CELA2B: variants seen among roughly 807,000 people sequenced by gnomAD.
CELA2B encodes chymotrypsin-like elastase family member 2B.
Under a neutral mutation model 36.5 loss-of-function variants are expected in CELA2B, and 27 were observed. That is an observed-to-expected ratio of 0.74 (90% CI 0.55 to 1.02). The LOEUF (loss-of-function observed/expected upper bound fraction) is 1.02. Among genes scored for constraint, CELA2B ranks in the 50% least tolerant of loss-of-function variants. The probability of loss-of-function intolerance (pLI) is 0.00; values close to 1 mark genes in which losing one functional copy is unlikely to be tolerated. For synonymous variants in CELA2B, 143 were observed against 148.5 expected (o/e 0.96, Z 0.27); for missense variants, 340 against 347.8 (o/e 0.98, Z 0.18).
intron 7 of CELA2B, among the ~76,000 whole-genome samples, chr1:15,488,967 C>G (rs1011575619): frequency 3.0e-4 from 45 of 152,198 alleles, no homozygotes; most frequent in Non-Finnish European, 6.2e-4. Context: ...ATCAAAAAGA[C>G]AGTAGCCATT....
intron 7 of CELA2B, among the ~76,000 whole-genome samples, chr1:15,490,322 T>C (rs527548228): frequency 2.0e-5 from 3 of 152,174 alleles, no homozygotes; most frequent in Admixed American, 2.0e-4. Flanking sequence ...GTCTTCATAC[T>C]GTTCTGCAGC....
chr1:15,477,230 T>C (rs560848209), intron 2 of CELA2B, among the ~76,000 whole-genome samples: 2 of 152,352 alleles, frequency 1.3e-5, no homozygotes, highest in African/African-American at 4.8e-5. Context: ...TTCATGCAGA[T>C]TCATCTTTAA....
chr1:15,487,397 T>A lies in CELA2B; in HGVS notation c.752T>A (p.Ile251Asn), dbSNP rs1256301758. 2 of 1,614,178 alleles carry A rather than the reference T, an allele frequency of 1.2e-6. No individual in the cohort carries two copies. Among genetic ancestry groups the A allele is most frequent in the South Asian group, 1.1e-5 (1 of 91,082 alleles). ...LGCNYYYKPS[I>N]FTRVSNYNDW... ...TGCAACTACTACTACAAGCCCTCCATCTTCACGCGGGTCTCCAACTACAAC... is the reference window on the plus strand; with the variant it reads ...TGCAACTACTACTACAAGCCCTCCAACTTCACGCGGGTCTCCAACTACAAC... The change falls in exon 7 of 8, where the codon ATC becomes AAC. Residue 251 changes from isoleucine (I) to asparagine (N), a missense_variant. By Grantham distance (149) the Ile-to-Asn change is moderately radical. Coordinates refer to ENST00000375910, the MANE Select transcript of CELA2B (RefSeq NM_015849.3).
At chr1:15,485,312 T>A (rs1434793341) in intron 5 of CELA2B, among the ~76,000 whole-genome samples, 1 of 152,172 alleles carries the variant, frequency 6.6e-6, no homozygotes, top group African/African-American at 2.4e-5. Context: ...TTGGGGGCCA[T>A]TATGAAAGCC....
At chr1:15,488,342 G>A (rs190702453) in intron 7 of CELA2B, among the ~76,000 whole-genome samples, 3 of 152,032 alleles carry the variant, frequency 2.0e-5, no homozygotes, top group Admixed American at 1.3e-4. Flanking sequence ...AGCCAAGGTC[G>A]CACCACTGCA....
intron 7 of CELA2B, among the ~76,000 whole-genome samples, chr1:15,489,367 CCT>C (rs1333725564): frequency 1.3e-5 from 2 of 152,202 alleles, no homozygotes; most frequent in Non-Finnish European, 2.9e-5. Flanking sequence ...GGGCAGAGGC[CCT>C]GTGTTCATGG....
At position 15,484,120 on chromosome 1, in the gene CELA2B, A is replaced by G. The variant is rs74924154; in HGVS notation, c.493+720A>G. 2.7e-3 allele frequency among the ~76,000 whole-genome samples: 407 copies of G among 152,270 alleles called. 5 individuals are homozygous for G. The East Asian group carries it at 0.039, about 15-fold the overall frequency. On this transcript the variant is annotated intron_variant, in intron 5 of 7. Coordinates refer to ENST00000375910, the MANE Select transcript of CELA2B (RefSeq NM_015849.3). The stretch of plus-strand genomic sequence containing the variant: ...GTGGCCCAAGGCTAGAGTTCAGAAC[A>G]GCATTTCCTCTGTGACCTGAGGTCT...
At chr1:15,487,513 C>T (rs902398129) in intron 7 of CELA2B, 76 bp downstream of exon 7, 198 of 1,552,812 alleles carry the variant, frequency 1.3e-4, no homozygotes, top group Middle Eastern at 1.8e-4. Flanking sequence ...GCCCACCTGG[C>T]GACTGAGAAC....
chr1:15,479,874 T>A (rs1314875242), intron 2 of CELA2B, among the ~76,000 whole-genome samples: 2 of 151,772 alleles, frequency 1.3e-5, no homozygotes, highest in Non-Finnish European at 2.9e-5. Flanking sequence ...GCGGGTTTGG[T>A]GTATGTGCAG....
intron 7 of CELA2B, among the ~76,000 whole-genome samples, chr1:15,489,500 T>C (rs1187868016): frequency 6.6e-6 from 1 of 152,044 alleles, no homozygotes. Context: ...AGTGAAACCT[T>C]GAAGTGGCCC....
chr1:15,486,445 C>A (rs919558765), intron 6 of CELA2B, among the ~76,000 whole-genome samples: 32 of 152,152 alleles, frequency 2.1e-4, no homozygotes, highest in Non-Finnish European at 4.3e-4. Context: ...TGCCACTGCA[C>A]TCCAGCCTGG....
chr1:15,486,098 TGGGAAGAGGCTATGGAAA>T, intron 6 of CELA2B, 52 bp downstream of exon 6: 2 of 1,596,098 alleles, frequency 1.3e-6, no homozygotes, highest in Non-Finnish European at 1.7e-6. Flanking sequence ...TGGCTGGGGA[TGGGAAGAGGCTATGGAAA>T]ACCATCCCTC....
chr1:15,484,920 CAG>C (rs1708785941), intron 5 of CELA2B, among the ~76,000 whole-genome samples: 2 of 149,508 alleles, frequency 1.3e-5, no homozygotes, highest in Admixed American at 6.6e-5. Flanking sequence ...TTTTTTGAGA[CAG>C]AGTCTTGCTC....
chr1:15,477,493 GT>G, intron 2 of CELA2B, among the ~76,000 whole-genome samples: 1 of 152,280 alleles, frequency 6.6e-6, no homozygotes, highest in African/African-American at 2.4e-5. Context: ...CATATATGCT[GT>G]AAACATTTTA....
rs72866915 is a variant in CELA2B at position 15,483,246 on chromosome 1, G to A, written c.357-18G>A. 3.4e-3 allele frequency: 5,423 copies of A among 1,613,260 alleles called. 138 individuals carry two copies. The African/African-American group carries it at 0.062, about 18-fold the overall frequency. ...AAAGTCAACCCTGTTCTCATGCTCCGCCTCCGCACTCACCCAGGAACGACA... is the reference window on the plus strand; with the variant it reads ...AAAGTCAACCCTGTTCTCATGCTCCACCTCCGCACTCACCCAGGAACGACA... On this transcript the variant is annotated intron_variant, in intron 4 of 7. Transcript: ENST00000375910.
chr1:15,479,660 C>T (rs1380757953), intron 2 of CELA2B, among the ~76,000 whole-genome samples: 5 of 152,154 alleles, frequency 3.3e-5, no homozygotes, highest in African/African-American at 1.2e-4. Flanking sequence ...GGGAAAGAGA[C>T]AAGTGTGTCT....
In CELA2B at chr1:15,482,334, C is replaced by T. The variant is rs764423042; in HGVS notation, c.297C>T (p.Ala99=). 1.2e-6 allele frequency: 2 copies of T among 1,614,100 alleles called. No individual in the cohort carries two copies. The highest frequency in any genetic ancestry group is 1.7e-6 in the Non-Finnish European group (2 of 1,180,018). ...NLYVAESGSL[A]VSVSKIVVHK... The stretch of plus-strand genomic sequence containing the variant: ...ACGTTGCAGAGTCCGGCTCGCTGGC[C>T]GTCAGTGTCTCTAAGATTGTGGTGC... Residue 99 remains alanine, a synonymous_variant, in exon 4 of 8, where the codon GCC becomes GCT. Coordinates refer to ENST00000375910, the MANE Select transcript of CELA2B (RefSeq NM_015849.3).
intron 3 of CELA2B, 107 bp downstream of exon 3, chr1:15,481,302 AACC>A: frequency 3.8e-6 from 5 of 1,332,446 alleles, no homozygotes; most frequent in Non-Finnish European, 5.4e-6. Context: ...CCTTGCAAAT[AACC>A]ACTAGCCTGG....
chr1:15,480,416 C>T (rs1708724723), intron 2 of CELA2B, among the ~76,000 whole-genome samples: 1 of 152,082 alleles, frequency 6.6e-6, no homozygotes, highest in Admixed American at 6.5e-5. Context: ...GTGTATTAAT[C>T]CGTTCTCACA....
Sources: gnomAD v4.1 joint callset for allele counts (sites outside exome capture counted in the v4.1 genomes callset) on GRCh38, gnomAD v4.1.1 for gene constraint, MANE v1.5 for transcripts, NCBI Gene and HGNC (gene_info 2026-07-23, HGNC 2026-07-21) for gene names.